NRCAM: variants seen among roughly 807,000 people sequenced by gnomAD.
NRCAM encodes neuronal cell adhesion molecule.
A neutral mutation model predicts 156.5 loss-of-function variants in NRCAM; 83 were observed. That is an observed-to-expected ratio of 0.53 (90% CI 0.44 to 0.64). The LOEUF (loss-of-function observed/expected upper bound fraction) is 0.64. Among genes scored for constraint, NRCAM ranks in the 30% least tolerant of loss-of-function variants. The pLI, the probability that NRCAM is intolerant of heterozygous loss-of-function variation, is 0.00. For missense variants in NRCAM, 1,417 were observed against 1,597.3 expected, an observed-to-expected ratio of 0.89 and a Z score of 1.92; for synonymous variants, 538 against 563.9, an observed-to-expected ratio of 0.95 and a Z score of 0.65.
At chr7:108,224,220 A>C (rs1562818101) in intron 10 of NRCAM, among the ~76,000 whole-genome samples, 3 of 152,118 alleles carry the variant, frequency 2.0e-5, no homozygotes. Context: ...CGAAGCAAAA[A>C]TTAACTGTCT....
chr7:108,248,591 C>T lies in NRCAM; in HGVS notation c.-106-8421G>A, dbSNP rs73727503. On this transcript the variant is annotated intron_variant, in intron 3 of 32. Coordinates refer to ENST00000379028, the MANE Select transcript of NRCAM (RefSeq NM_001037132.4). The stretch of plus-strand genomic sequence containing the variant: ...ATTGATACTTCGCCTGTTCTATCAT[C>T]CAGTGTGGGTGTGCAGGCACCTCTG... Among the ~76,000 whole-genome samples, 104 of 152,236 alleles carry T rather than the reference C, an allele frequency of 6.8e-4. 1 individual carries two copies. Among genetic ancestry groups the T allele is most frequent in the African/African-American group, 2.2e-3 (90 of 41,540 alleles).
At chr7:108,342,818 T>G (rs1190984358) in intron 2 of NRCAM, among the ~76,000 whole-genome samples, 2 of 152,182 alleles carry the variant, frequency 1.3e-5, no homozygotes, top group Non-Finnish European at 2.9e-5. Flanking sequence ...GATCTTACTG[T>G]GTGGACATCT....
Position 108,178,084 on chromosome 7 carries a change from A to T in NRCAM, c.2880T>A (p.Ile960=), listed in dbSNP as rs1179928690. The T allele has an allele frequency of 2.5e-6, 4 of 1,613,590 alleles. No homozygotes were observed. Among genetic ancestry groups the T allele is most frequent in the Non-Finnish European group, 3.4e-6 (4 of 1,179,700 alleles). The change falls in exon 26 of 33, where the codon ATT becomes ATA. Residue 960 remains isoleucine, a synonymous_variant. Transcript: ENST00000379028. ...GVPSAPSSLK[I]VNPTLDSLTL... is the part of the protein sequence containing the mutation. ...TGAGAGAGTCCAGTGTTGGATTCAC[A>T]ATCTTCAAAGACGAGGGAGCACTGG...
chr7:108,215,731 C>CT (rs60725485), intron 11 of NRCAM, among the ~76,000 whole-genome samples: 2,165 of 127,630 alleles, frequency 0.017, 24 homozygotes, highest in African/African-American at 0.027. Flanking sequence ...CAACCCCTGC[C>CT]TTTTTTTTTT....
intron 13 of NRCAM, among the ~76,000 whole-genome samples, chr7:108,201,402 T>G (rs1011079150): frequency 6.6e-6 from 1 of 152,106 alleles, no homozygotes; most frequent in Non-Finnish European, 1.5e-5. Context: ...GCAGACTACA[T>G]AAGAGTTCCT....
At position 108,184,447 on chromosome 7, in the gene NRCAM, C is replaced by T. The variant is rs762456836; in HGVS notation, c.2203G>A (p.Ala735Thr). 1.9e-6 allele frequency: 3 copies of T among 1,614,052 alleles called. No homozygotes were observed. In the Admixed American group the frequency reaches 5.0e-5, roughly 27 times the overall value. The change falls in exon 21 of 33, where the codon GCG becomes ACG. Residue 735 changes from alanine to threonine, a missense_variant. Coordinates refer to ENST00000379028, the MANE Select transcript of NRCAM (RefSeq NM_001037132.4). ...GCTTTCGTCAAATACTGCTCAGACG[C>T]CTCGCTGGGCAAGCTCTTCCCAATG... ...NSIGKSLPSE[A>T]SEQYLTKASE...
At chr7:108,352,031 G>C (rs2099416481) in intron 2 of NRCAM, among the ~76,000 whole-genome samples, 2 of 152,124 alleles carry the variant, frequency 1.3e-5, no homozygotes, top group Admixed American at 1.3e-4. Context: ...CTCACTCCCT[G>C]ACTGCAGAGT....
At chr7:108,216,168 C>T (rs950028968) in intron 11 of NRCAM, among the ~76,000 whole-genome samples, 38 of 152,146 alleles carry the variant, frequency 2.5e-4, no homozygotes, top group Middle Eastern at 3.4e-3. Flanking sequence ...CCTTTACTTA[C>T]GAAGCTTAGT....
chr7:108,204,593 C>T (rs965748326), intron 13 of NRCAM, among the ~76,000 whole-genome samples: 2 of 152,222 alleles, frequency 1.3e-5, no homozygotes, highest in Admixed American at 6.5e-5. Flanking sequence ...CACCACGGAG[C>T]GGCCTGGTGG....
chr7:108,250,895 C>A (rs2096303112), intron 3 of NRCAM, among the ~76,000 whole-genome samples: 1 of 151,878 alleles, frequency 6.6e-6, no homozygotes, highest in African/African-American at 2.4e-5. Flanking sequence ...ACTATGAACC[C>A]ACAAAAATTA....
chr7:108,191,346 C>A, intron 18 of NRCAM, 63 bp from the exon 19 acceptor site: 2 of 1,215,698 alleles, frequency 1.6e-6, no homozygotes, highest in Non-Finnish European at 2.4e-6. Flanking sequence ...TACAAGATAG[C>A]ACAAGATGAC....
intron 19 of NRCAM, among the ~76,000 whole-genome samples, chr7:108,190,214 G>A (rs2070311259): frequency 6.6e-6 from 1 of 152,228 alleles, no homozygotes; most frequent in African/African-American, 2.4e-5. Context: ...TTGGGGCTCT[G>A]AAAGAATATT....
chr7:108,202,609 C>T (rs2078774160), intron 13 of NRCAM, among the ~76,000 whole-genome samples: 1 of 152,184 alleles, frequency 6.6e-6, no homozygotes, highest in South Asian at 2.1e-4. Flanking sequence ...CTTATTCCAT[C>T]CCTACAAGAG....
intron 2 of NRCAM, among the ~76,000 whole-genome samples, chr7:108,380,397 T>C (rs1220450472): frequency 6.6e-6 from 1 of 152,216 alleles, no homozygotes; most frequent in Non-Finnish European, 1.5e-5. Flanking sequence ...AGCTGCACCA[T>C]GTGCAGCTAT....
Position 108,335,434 on chromosome 7 carries a change from C to CTTTTTTTTTTTTTTTTTTTTTTTTTT in NRCAM, c.-173-22704_-173-22703insAAAAAAAAAAAAAAAAAAAAAAAAAA, listed in dbSNP as rs58975301. The stretch of plus-strand genomic sequence containing the variant: ...ATGTCCTGTGGATCTGTTCCACCTG[C>CTTTTTTTTTTTTTTTTTTTTTTTTTT]TTTTTTTTTTTTTTTTTTTTTTTTT... On this transcript the variant is annotated intron_variant, in intron 2 of 32. Coordinates refer to ENST00000379028, the MANE Select transcript of NRCAM (RefSeq NM_001037132.4). Among the ~76,000 whole-genome samples the CTTTTTTTTTTTTTTTTTTTTTTTTTT allele has an allele frequency of 4.2e-4, 29 of 69,878 alleles. 2 individuals are homozygous for CTTTTTTTTTTTTTTTTTTTTTTTTTT. Among genetic ancestry groups the CTTTTTTTTTTTTTTTTTTTTTTTTTT allele is most frequent in the Non-Finnish European group, 4.2e-4 (17 of 40,328 alleles). 45.8% of individuals were successfully genotyped at this position (69,878 alleles called of 152,430 possible). A position where few individuals can be genotyped will look rare whatever the true frequency, so the allele number is the denominator to read the frequency against.
intron 2 of NRCAM, among the ~76,000 whole-genome samples, chr7:108,359,501 T>C (rs2099533948): frequency 6.6e-6 from 1 of 151,780 alleles, no homozygotes; most frequent in Non-Finnish European, 1.5e-5. Flanking sequence ...TAAAGAAAAG[T>C]GAAAGAAAAC....
chr7:108,389,620 C>A (rs1194621223), intron 2 of NRCAM, among the ~76,000 whole-genome samples: 2 of 152,178 alleles, frequency 1.3e-5, no homozygotes, highest in African/African-American at 4.8e-5. Flanking sequence ...GAGAGGGTAT[C>A]CCTGTCTTGT....
At chr7:108,329,923 A>G (rs1048784022) in intron 2 of NRCAM, among the ~76,000 whole-genome samples, 1 of 152,222 alleles carries the variant, frequency 6.6e-6, no homozygotes, top group Non-Finnish European at 1.5e-5. Context: ...TTCTTTCAAA[A>G]GATAAAAGAA....
chr7:108,402,386 G>C (rs553707197), intron 1 of NRCAM, among the ~76,000 whole-genome samples: 1 of 152,280 alleles, frequency 6.6e-6, no homozygotes, highest in Non-Finnish European at 1.5e-5. Context: ...AAGCATTACT[G>C]TTTCTGACAC....
Sources: gnomAD v4.1 joint callset for allele counts (sites outside exome capture counted in the v4.1 genomes callset) on GRCh38, gnomAD v4.1.1 for gene constraint, MANE v1.5 for transcripts, NCBI Gene and HGNC (gene_info 2026-07-23, HGNC 2026-07-21) for gene names.